MTUS2: variants seen among roughly 807,000 people sequenced by gnomAD.
MTUS2 encodes the protein microtubule-associated tumor suppressor candidate 2.
A neutral mutation model predicts 114.1 loss-of-function variants in MTUS2; 40 were observed. The observed-to-expected ratio is 0.35, with a 90% CI of 0.27 to 0.46. The LOEUF (loss-of-function observed/expected upper bound fraction) is 0.46. MTUS2 is among the 20% of genes least tolerant of loss of function. The pLI is 1.00. For missense variants in MTUS2, 1,679 were observed against 1,705.4 expected, an observed-to-expected ratio of 0.98 and a Z score of 0.27; for synonymous variants, 688 against 672.0, an observed-to-expected ratio of 1.02 and a Z score of -0.37.
At chr13:29,324,197 C>A (rs1250377994) in intron 6 of MTUS2, among the ~76,000 whole-genome samples, 1 of 152,224 alleles carries the variant, frequency 6.6e-6, no homozygotes, top group Non-Finnish European at 1.5e-5. Flanking sequence ...ATGCCGAAGT[C>A]ATTAGCAGCT....
At chr13:28,841,136 G>A (rs1474179846) in intron 2 of MTUS2, among the ~76,000 whole-genome samples, 1 of 152,176 alleles carries the variant, frequency 6.6e-6, no homozygotes, top group Non-Finnish European at 1.5e-5. Context: ...CATAATGGAT[G>A]GTTCTTCATT....
At chr13:29,280,207 A>G (rs930378593) in intron 5 of MTUS2, among the ~76,000 whole-genome samples, 2 of 152,130 alleles carry the variant, frequency 1.3e-5, no homozygotes, top group African/African-American at 4.8e-5. Context: ...CATCAAACAT[A>G]TTTTTTATCT....
chr13:29,078,204 AT>A (rs1338370228), intron 4 of MTUS2, among the ~76,000 whole-genome samples: 3 of 152,168 alleles, frequency 2.0e-5, no homozygotes, highest in Non-Finnish European at 4.4e-5. Context: ...TTAGGTTTTT[AT>A]TAAAAAATGT....
At chr13:29,493,392 G>A (rs1436126571) in intron 12 of MTUS2, among the ~76,000 whole-genome samples, 1 of 152,148 alleles carries the variant, frequency 6.6e-6, no homozygotes, top group Admixed American at 6.5e-5. Flanking sequence ...GGGAAGCCAG[G>A]GGGACGCTAG....
chr13:29,166,370 C>T (rs1482610832), intron 5 of MTUS2, among the ~76,000 whole-genome samples: 3 of 152,136 alleles, frequency 2.0e-5, no homozygotes, highest in Non-Finnish European at 4.4e-5. Flanking sequence ...AAGAACCCTT[C>T]AACACACCTT....
chr13:29,193,715 A>C (rs1320366629), intron 5 of MTUS2, among the ~76,000 whole-genome samples: 12 of 152,148 alleles, frequency 7.9e-5, no homozygotes, highest in Non-Finnish European at 1.6e-4. Context: ...TCTACCAATG[A>C]CTTTCTTCAC....
At chr13:29,074,286 C>T (rs988784528) in intron 4 of MTUS2, among the ~76,000 whole-genome samples, 1 of 152,144 alleles carries the variant, frequency 6.6e-6, no homozygotes, top group Non-Finnish European at 1.5e-5. Context: ...CTTTATGACT[C>T]AGGTCAAGTT....
chr13:29,193,397 A>T (rs1244995846), intron 5 of MTUS2, among the ~76,000 whole-genome samples: 1 of 152,114 alleles, frequency 6.6e-6, no homozygotes, highest in Non-Finnish European at 1.5e-5. Flanking sequence ...ACTTCAGCAA[A>T]GTCTCAGGAT....
chr13:29,073,223 C>A (rs568537984), intron 4 of MTUS2, among the ~76,000 whole-genome samples: 1 of 152,298 alleles, frequency 6.6e-6, no homozygotes, highest in African/African-American at 2.4e-5. Context: ...ACCTCAATTT[C>A]TTAGGTTGTT....
At chr13:29,209,335 C>T (rs1390218631) in intron 5 of MTUS2, among the ~76,000 whole-genome samples, 1 of 152,126 alleles carries the variant, frequency 6.6e-6, no homozygotes, top group Non-Finnish European at 1.5e-5. Flanking sequence ...TGGTGAGTCT[C>T]TTGAAGAGAG....
intron 6 of MTUS2, among the ~76,000 whole-genome samples, chr13:29,317,505 C>G (rs1900049700): frequency 8.2e-5 from 1 of 12,192 alleles, no homozygotes; most frequent in Non-Finnish European, 2.3e-4. Context: ...GTGGCGCAAT[C>G]TCGGCTCACT....
At chr13:28,875,118 C>A (rs1347829379) in intron 2 of MTUS2, among the ~76,000 whole-genome samples, 2 of 151,082 alleles carry the variant, frequency 1.3e-5, no homozygotes, top group African/African-American at 4.9e-5. Flanking sequence ...AATGAATAAA[C>A]AAATCTAGTA....
chr13:29,448,314 G>A (rs1033115749), intron 9 of MTUS2, among the ~76,000 whole-genome samples: 1 of 152,128 alleles, frequency 6.6e-6, no homozygotes, highest in Non-Finnish European at 1.5e-5. Flanking sequence ...TACTTCCCCA[G>A]CAAAACACCT....
intron 8 of MTUS2, among the ~76,000 whole-genome samples, chr13:29,368,147 C>G (rs1231613262): frequency 6.6e-6 from 1 of 151,766 alleles, no homozygotes; most frequent in Admixed American, 6.6e-5. Context: ...ACCATGTTAG[C>G]CAGGATGGTC....
intron 2 of MTUS2, among the ~76,000 whole-genome samples, chr13:28,986,483 G>A (rs1884591710): frequency 6.6e-6 from 1 of 152,192 alleles, no homozygotes; most frequent in African/African-American, 2.4e-5. Flanking sequence ...GTGTCCTGGA[G>A]ACTGTGGCTG....
chr13:29,386,895 C>T (rs1484918208), intron 8 of MTUS2, among the ~76,000 whole-genome samples: 1 of 152,162 alleles, frequency 6.6e-6, no homozygotes, highest in Non-Finnish European at 1.5e-5. Flanking sequence ...TCTTTCCACT[C>T]ACGGAGGGGA....
At chr13:29,314,035 A>G (rs1257560126) in intron 6 of MTUS2, among the ~76,000 whole-genome samples, 1 of 152,168 alleles carries the variant, frequency 6.6e-6, no homozygotes, top group Non-Finnish European at 1.5e-5. Context: ...ACCTTTCTTC[A>G]GGAACTTAAA....
At chr13:28,936,861 C>G (rs948257398) in intron 2 of MTUS2, among the ~76,000 whole-genome samples, 1 of 152,056 alleles carries the variant, frequency 6.6e-6, no homozygotes, top group African/African-American at 2.4e-5. Context: ...GCAGGGGAAG[C>G]CTGTCTGTTA....
chr13:29,363,374 G>A (rs754585781), intron 8 of MTUS2, among the ~76,000 whole-genome samples: 6 of 152,108 alleles, frequency 3.9e-5, no homozygotes, highest in African/African-American at 7.2e-5. Flanking sequence ...GATTGTAGAT[G>A]ATGGTTTTGA....
Sources: allele counts gnomAD v4.1 joint callset (sites outside exome capture counted in the v4.1 genomes callset), GRCh38; gene constraint gnomAD v4.1.1; transcripts MANE v1.5; gene names NCBI Gene and HGNC (gene_info 2026-07-23, HGNC 2026-07-21).